The following HIPK3 variants were observed in gnomAD, a reference collection of about 807,000 sequenced individuals.
The protein encoded by HIPK3 is homeodomain interacting protein kinase 3.
HIPK3 carries 47 observed loss-of-function variants against 124.2 expected under a neutral mutation model. The observed-to-expected ratio is 0.38, with a 90% CI of 0.30 to 0.48. The LOEUF is 0.48. HIPK3 is among the 20% of genes least tolerant of loss of function. HIPK3 has a pLI of 0.98. For missense variants in HIPK3, 1,286 were observed against 1,454.3 expected (o/e 0.88, Z 1.88); for synonymous variants, 482 against 515.2 (o/e 0.94, Z 0.87).
In HIPK3 at chr11:33,353,667, A is replaced by G. The variant is rs1452601516; in HGVS notation, c.*99A>G. 3 of 850,346 alleles carry G rather than the reference A, an allele frequency of 3.5e-6. No homozygotes were observed. Among genetic ancestry groups the G allele is most frequent in the Non-Finnish European group, 5.5e-6 (3 of 545,394 alleles). The allele number at this position is 850,346 out of a possible 1,614,324, so 52.7% of individuals were successfully genotyped here. ...CATGGCACAAGAAAATTATTTTTGA[A>G]TCATGTAGACTTGGGTGCAATTTAA... On this transcript the variant is annotated 3_prime_UTR_variant, in exon 17 of 17. Transcript: ENST00000303296.
intron 2 of HIPK3, among the ~76,000 whole-genome samples, chr11:33,305,659 T>G (rs980758159): frequency 1.3e-5 from 2 of 152,192 alleles, no homozygotes; most frequent in African/African-American, 4.8e-5. Flanking sequence ...CCCACAATCC[T>G]TCTCCAAGGA....
chr11:33,354,882 G>A lies in HIPK3; in HGVS notation c.*1314G>A, dbSNP rs943916850. ...TTTTTGGGTGGTGGTGATGGTAGTG[G>A]TTATGTCTGTTTAAATGAAGTTGCT... On this transcript the variant is annotated 3_prime_UTR_variant, in exon 17 of 17. Transcript: ENST00000303296. 4 of 151,844 alleles carry A rather than the reference G, an allele frequency of 2.6e-5. No individual in the cohort carries two copies. The highest frequency in any genetic ancestry group is 4.8e-5 in the African/African-American group (2 of 41,426). 9.4% of individuals were successfully genotyped at this position (151,844 alleles called of 1,614,324 possible).
At chr11:33,346,465 A>T (rs191758640) in intron 8 of HIPK3, among the ~76,000 whole-genome samples, 24 of 152,308 alleles carry the variant, frequency 1.6e-4, no homozygotes, top group Admixed American at 5.2e-4. Flanking sequence ...TTCATCCATT[A>T]TGTGAACCAT....
intron 1 of HIPK3, among the ~76,000 whole-genome samples, chr11:33,281,723 C>G (rs991431950): frequency 1.3e-5 from 2 of 152,116 alleles, no homozygotes; most frequent in African/African-American, 4.8e-5. Flanking sequence ...GTAAAGTATA[C>G]ATTTTTTGAA....
Position 33,347,878 on chromosome 11 carries a change from A to G in HIPK3, c.2171A>G (p.Tyr724Cys), listed in dbSNP as rs1377901573. The G allele has an allele frequency of 6.2e-7, 1 of 1,614,210 alleles. No homozygotes were observed. The highest frequency in any genetic ancestry group is 8.5e-7 in the Non-Finnish European group (1 of 1,180,028). Reference protein sequence around the residue: ...WGKMISCSNHYNSVMPQPLLT... With the variant: ...WGKMISCSNHCNSVMPQPLLT... ...AAGATGATTTCATGCAGCAATCATT[A>G]TAACTCAGTGATGCCGCAGCCTCTT... The change falls in exon 11 of 17, where the codon TAT becomes TGT. Residue 724 changes from tyrosine to cysteine, a missense_variant. Coordinates refer to ENST00000303296, the MANE Select transcript of HIPK3 (RefSeq NM_005734.5).
chr11:33,310,537 G>A (rs1373957261), intron 2 of HIPK3, among the ~76,000 whole-genome samples: 1 of 152,106 alleles, frequency 6.6e-6, no homozygotes, highest in African/African-American at 2.4e-5. Flanking sequence ...TCAAACTCCT[G>A]GCCTCAAGTG....
At chr11:33,257,126 C>T (rs1850683781), upstream of HIPK3, among the ~76,000 whole-genome samples, 1 of 152,128 alleles carries the variant, frequency 6.6e-6, no homozygotes, top group African/African-American at 2.4e-5. Flanking sequence ...CTGACGGATG[C>T]TTCTTTCGCG....
chr11:33,311,374 C>T (rs978954527), intron 2 of HIPK3, among the ~76,000 whole-genome samples: 7 of 152,080 alleles, frequency 4.6e-5, no homozygotes, highest in East Asian at 1.9e-4. Context: ...TGTGTAGAGA[C>T]GAAGTCTTGC....
Position 33,291,738 on chromosome 11 carries a change from T to C in HIPK3, c.1097+4227T>C, listed in dbSNP as rs143549570. 1.6e-3 allele frequency among the ~76,000 whole-genome samples: 244 copies of C among 152,322 alleles called. 1 individual carries two copies. Among genetic ancestry groups the C allele is most frequent in the Admixed American group, 0.012 (181 of 15,300 alleles). ...TCATGAATTTCTTTTTCTTTTTCTT[T>C]CTTTCTTTTTAAATATAGAATTTTA... On this transcript the variant is annotated intron_variant, in intron 2 of 16. Transcript: ENST00000303296.
chr11:33,285,896 C>G (rs982288446), intron 1 of HIPK3, among the ~76,000 whole-genome samples: 1 of 151,956 alleles, frequency 6.6e-6, no homozygotes, highest in South Asian at 2.1e-4. Flanking sequence ...CTCAGCCTCC[C>G]GAGTAGCTGG....
At chr11:33,350,658 A>G (rs553525493) in intron 14 of HIPK3, among the ~76,000 whole-genome samples, 2 of 152,284 alleles carry the variant, frequency 1.3e-5, no homozygotes, top group Non-Finnish European at 2.9e-5. Flanking sequence ...TGGGCAACAG[A>G]GTAAGACCCT....
Position 33,341,618 on chromosome 11 carries a change from G to T in HIPK3, c.1829G>T (p.Gly610Val), listed in dbSNP as rs765113008. 8 of 1,613,686 alleles carry T rather than the reference G, an allele frequency of 5.0e-6. No homozygotes were observed. In the African/African-American group the frequency reaches 9.3e-5, roughly 19 times the overall value. ...VVHHGIPLQA[G>V]TAQFGCGDAF... ...CACCATGGAATACCTCTGCAGGCAG[G>T]AACTGCTCAGTTTGGTTGTGGTGAT... The change falls in exon 8 of 17, where the codon GGA (glycine) becomes GTA (valine). Residue 610 changes from glycine (G) to valine (V), a missense_variant. This residue lies in a region of HIPK3 where 810 missense variants were observed against 864.9 expected (regional missense o/e 0.94). Transcript: ENST00000303296.
At chr11:33,306,491 A>T (rs1190434370) in intron 2 of HIPK3, among the ~76,000 whole-genome samples, 1 of 152,150 alleles carries the variant, frequency 6.6e-6, no homozygotes. Context: ...ATTAAGTCAT[A>T]AAACCATGAA....
intron 1 of HIPK3, among the ~76,000 whole-genome samples, chr11:33,275,326 C>T (rs908644728): frequency 2.6e-5 from 4 of 152,196 alleles, no homozygotes; most frequent in African/African-American, 9.7e-5. Flanking sequence ...GTGTAAGCCA[C>T]TGTGCCCAGC....
At chr11:33,352,340 C>T (rs1196258106) in intron 16 of HIPK3, 75 bp downstream of exon 16, 1 of 1,479,890 alleles carries the variant, frequency 6.8e-7, no homozygotes, top group Non-Finnish European at 9.4e-7. Context: ...GAGGAGAAAG[C>T]TTCTGAAACT....
At chr11:33,266,066 A>G (rs977156149) in intron 1 of HIPK3, among the ~76,000 whole-genome samples, 1 of 150,720 alleles carries the variant, frequency 6.6e-6, no homozygotes, top group Non-Finnish European at 1.5e-5. Flanking sequence ...CTCAAAAAAA[A>G]AAAAAAAAAA....
chr11:33,352,851 G>A (rs529540841), intron 16 of HIPK3, among the ~76,000 whole-genome samples: 7 of 152,156 alleles, frequency 4.6e-5, no homozygotes, highest in Admixed American at 1.3e-4. Flanking sequence ...GGTAGTACTA[G>A]CAGCAGTAAT....
At chr11:33,276,439 G>T (rs1217502156) in intron 1 of HIPK3, among the ~76,000 whole-genome samples, 6 of 152,090 alleles carry the variant, frequency 3.9e-5, no homozygotes, top group Admixed American at 3.9e-4. Context: ...TGTTAATATG[G>T]TAAATAATGT....
In HIPK3 at chr11:33,328,600, G is replaced by T; in HGVS notation, c.1188G>T (p.Trp396Cys). 6.2e-7 allele frequency: 1 copy of T among 1,613,570 alleles called. No individual in the cohort carries two copies. The highest frequency in any genetic ancestry group is 8.5e-7 in the Non-Finnish European group (1 of 1,179,622). ...GCVIAELFLG[W>C]PLYPGALEYD... ...TGATTGCAGAATTATTTCTTGGATG[G>T]CCGCTCTACCCAGGAGCCTTGGAGT... Residue 396 changes from tryptophan (W) to cysteine (C), a missense_variant, in exon 3 of 17, where the codon TGG becomes TGT. This residue lies in a region of HIPK3 where 251 missense variants were observed against 349.1 expected (regional missense o/e 0.72). Transcript: ENST00000303296.
Sources: gnomAD v4.1 joint callset for allele counts (sites outside exome capture counted in the v4.1 genomes callset) on GRCh38, gnomAD v4.1.1 for gene constraint, gnomAD v4.1.1 regional missense constraint, MANE v1.5 for transcripts, NCBI Gene and HGNC (gene_info 2026-07-23, HGNC 2026-07-21) for gene names.